Variants in FOCAD observed in about 807,000 individuals in gnomAD.
FOCAD encodes KIAA1797.
FOCAD carries 198 observed loss-of-function variants against 225.6 expected under a neutral mutation model. The ratio of observed to expected loss-of-function variants is 0.88; its 90% CI spans 0.78 to 0.99. The LOEUF is 0.99. Among genes scored for constraint, FOCAD ranks in the 50% least tolerant of loss-of-function variants. The pLI is 0.00. For missense variants in FOCAD, 2,713 were observed against 2,123.6 expected, an observed-to-expected ratio of 1.28 and a Z score of -5.46; for synonymous variants, 897 against 755.0, an observed-to-expected ratio of 1.19 and a Z score of -3.08.
At position 20,861,711 on chromosome 9, in the gene FOCAD, A is replaced by G. The variant is rs187621732; in HGVS notation, c.1921-867A>G. On this transcript the variant is annotated intron_variant, in intron 15 of 43. Transcript: ENST00000338382. ...ATATTTGTAGGTAGAGATAAATTGT[A>G]TGTGTTAATTACAGCTTAAAAGAAG... Among the ~76,000 whole-genome samples, 32 of 152,294 alleles carry G rather than the reference A, an allele frequency of 2.1e-4. No individual in the cohort carries two copies. In the East Asian group the frequency reaches 5.8e-3, roughly 27 times the overall value.
intron 3 of FOCAD, among the ~76,000 whole-genome samples, chr9:20,719,699 C>T (rs1447048464): frequency 1.3e-5 from 2 of 148,650 alleles, no homozygotes; most frequent in East Asian, 3.9e-4. Flanking sequence ...TTCTCATGCT[C>T]TTCTATCAGT....
intron 30 of FOCAD, among the ~76,000 whole-genome samples, chr9:20,947,431 G>A (rs1408493168): frequency 6.6e-6 from 1 of 152,116 alleles, no homozygotes; most frequent in Non-Finnish European, 1.5e-5. Context: ...ACTTACATGA[G>A]CTGCGTAGAG....
At chr9:20,685,073 T>A (rs1315525744) in intron 1 of FOCAD, among the ~76,000 whole-genome samples, 2 of 152,232 alleles carry the variant, frequency 1.3e-5, no homozygotes, top group Non-Finnish European at 2.9e-5. Flanking sequence ...CATTCATTCA[T>A]ACATTCCAAA....
chr9:20,760,818 A>G (rs1046661945), intron 6 of FOCAD, among the ~76,000 whole-genome samples: 4 of 152,106 alleles, frequency 2.6e-5, no homozygotes, highest in African/African-American at 7.2e-5. Context: ...ATAAATGTTG[A>G]ATTTCTTTAA....
At chr9:20,992,305 A>T (rs964808280) in intron 42 of FOCAD, among the ~76,000 whole-genome samples, 6 of 152,212 alleles carry the variant, frequency 3.9e-5, no homozygotes, top group African/African-American at 1.4e-4. Context: ...GAATTATTTT[A>T]TGCCATTTCT....
At chr9:20,953,115 T>A (rs747542046) in intron 35 of FOCAD, 50 bp downstream of exon 35, 2 of 1,469,394 alleles carry the variant, frequency 1.4e-6, no homozygotes. Context: ...CATGTTGTTA[T>A]AAGTAAATTT....
chr9:20,759,772 T>G (rs776335118), intron 6 of FOCAD, among the ~76,000 whole-genome samples: 1 of 152,206 alleles, frequency 6.6e-6, no homozygotes, highest in Non-Finnish European at 1.5e-5. Flanking sequence ...TTAAGGAAGT[T>G]AAGCATTGGT....
intron 20 of FOCAD, among the ~76,000 whole-genome samples, chr9:20,884,827 T>A (rs1830974720): frequency 6.6e-6 from 1 of 151,832 alleles, no homozygotes; most frequent in Non-Finnish European, 1.5e-5. Flanking sequence ...TTTGGGAGGA[T>A]GAGGCAGGCG....
At chr9:20,940,619 C>T (rs1160240003) in intron 28 of FOCAD, among the ~76,000 whole-genome samples, 4 of 152,126 alleles carry the variant, frequency 2.6e-5, no homozygotes, top group Non-Finnish European at 5.9e-5. Context: ...TCAACTGATA[C>T]TTACTGAGCA....
At chr9:20,662,816 C>A (rs1821773373) in intron 2 of FOCAD, among the ~76,000 whole-genome samples, 1 of 151,978 alleles carries the variant, frequency 6.6e-6, no homozygotes, top group African/African-American at 2.4e-5. Flanking sequence ...TTGGAAGAGT[C>A]AGGAATATAT....
At chr9:20,776,259 G>A (rs1347661745) in intron 8 of FOCAD, among the ~76,000 whole-genome samples, 1 of 152,196 alleles carries the variant, frequency 6.6e-6, no homozygotes, top group Admixed American at 6.5e-5. Context: ...TAACTTCCTT[G>A]TACTTCTAGA....
chr9:20,794,781 T>C (rs1415022108), intron 11 of FOCAD, among the ~76,000 whole-genome samples: 1 of 152,220 alleles, frequency 6.6e-6, no homozygotes, highest in Non-Finnish European at 1.5e-5. Flanking sequence ...TGGTGGATTA[T>C]CTTCCAGTTT....
intron 11 of FOCAD, among the ~76,000 whole-genome samples, chr9:20,793,591 C>A (rs1003909515): frequency 1.4e-4 from 21 of 152,206 alleles, no homozygotes; most frequent in African/African-American, 3.6e-4. Flanking sequence ...AAACAAAATC[C>A]GTTTGTCTGG....
chr9:20,825,019 AT>A (rs993954817), intron 15 of FOCAD, among the ~76,000 whole-genome samples: 6 of 151,282 alleles, frequency 4.0e-5, no homozygotes, highest in Non-Finnish European at 7.4e-5. Context: ...TTTGGTGATA[AT>A]TTTTTTTTAA....
chr9:20,965,007 G>A (rs913541416), intron 35 of FOCAD, among the ~76,000 whole-genome samples: 3 of 152,130 alleles, frequency 2.0e-5, no homozygotes, highest in African/African-American at 7.2e-5. Context: ...GAAAGGCCTA[G>A]ATCAGAAGTA....
intron 35 of FOCAD, among the ~76,000 whole-genome samples, chr9:20,953,414 G>T (rs1419956735): frequency 6.6e-6 from 1 of 152,220 alleles, no homozygotes; most frequent in African/African-American, 2.4e-5. Flanking sequence ...CCTGGGTGCA[G>T]TTTCTATCCC....
chr9:20,925,879 C>G (rs182308144), intron 25 of FOCAD, among the ~76,000 whole-genome samples: 22 of 152,262 alleles, frequency 1.4e-4, no homozygotes, highest in Non-Finnish European at 2.6e-4. Context: ...AGATGTTGAT[C>G]TGAATTCTGT....
intron 35 of FOCAD, among the ~76,000 whole-genome samples, chr9:20,961,609 T>A (rs772545618): frequency 3.3e-5 from 5 of 152,210 alleles, no homozygotes; most frequent in Non-Finnish European, 5.9e-5. Context: ...TATTTTTATT[T>A]CTGTATTTAG....
In FOCAD at chr9:20,993,319, C is replaced by G. The variant is rs202155226; in HGVS notation, c.5323C>G (p.Leu1775Val). 18 of 1,613,080 alleles carry G rather than the reference C, an allele frequency of 1.1e-5. No homozygotes were observed. The East Asian group carries it at 3.8e-4, about 34-fold the overall frequency. ...KEALSAQSRD[L>V]LKATLLSLRV... ...AGCCCTCTCAGCACAGTCCAGGGATCTTTTGAAAGGTATTACTTCCATGTT... is the reference window on the plus strand; with the variant it reads ...AGCCCTCTCAGCACAGTCCAGGGATGTTTTGAAAGGTATTACTTCCATGTT... The change falls in exon 43 of 44, where the codon CTT becomes GTT. Residue 1775 changes from leucine (L) to valine (V), a missense_variant. By Grantham distance (32) the Leu-to-Val change is conservative. Transcript: ENST00000338382.
Sources: allele counts gnomAD v4.1 joint callset (sites outside exome capture counted in the v4.1 genomes callset), GRCh38; gene constraint gnomAD v4.1.1; transcripts MANE v1.5; gene names NCBI Gene and HGNC (gene_info 2026-07-23, HGNC 2026-07-21).